Variants in DNMT1 observed in about 807,000 individuals in gnomAD.
DNMT1 encodes the protein DNA (cytosine-5)-methyltransferase 1.
DNMT1 carries 24 observed loss-of-function variants against 205.3 expected under a neutral mutation model. The observed-to-expected ratio is 0.12, with a 90% CI of 0.08 to 0.16. The LOEUF (loss-of-function observed/expected upper bound fraction) is 0.16, where lower values mean the gene tolerates loss of function less well. DNMT1 is among the 10% of genes least tolerant of loss of function. DNMT1 has a pLI of 1.00. For missense variants in DNMT1, 1,293 were observed against 2,177.7 expected (o/e 0.59, Z 8.09); for synonymous variants, 817 against 839.8 (o/e 0.97, Z 0.47).
At chr19:10,185,613 G>C (rs184419048) in intron 1 of DNMT1, among the ~76,000 whole-genome samples, 1 of 152,054 alleles carries the variant, frequency 6.6e-6, no homozygotes, top group East Asian at 1.9e-4. Context: ...GATCACTTGA[G>C]GTCAGGAGTT....
intron 22 of DNMT1, among the ~76,000 whole-genome samples, chr19:10,152,464 C>A (rs140599011): frequency 4.6e-5 from 7 of 151,662 alleles, no homozygotes; most frequent in Non-Finnish European, 1.5e-5. Flanking sequence ...CCCAACTCTA[C>A]AAAAAATTAA....
intron 5 of DNMT1, among the ~76,000 whole-genome samples, chr19:10,177,648 G>A (rs2038960703): frequency 6.6e-6 from 1 of 152,064 alleles, no homozygotes; most frequent in African/African-American, 2.4e-5. Context: ...AAGATGAAGT[G>A]GGCCAGGCAC....
At chr19:10,183,057 G>GTGTGTGTA (rs2039105335) in intron 1 of DNMT1, among the ~76,000 whole-genome samples, 4 of 131,324 alleles carry the variant, frequency 3.0e-5, no homozygotes, top group South Asian at 5.3e-4. Context: ...GTATACATAC[G>GTGTGTGTA]TATATATGTA....
At chr19:10,173,935 AT>A in intron 7 of DNMT1, 30 bp from the exon 8 acceptor site, 3 of 1,610,752 alleles carry the variant, frequency 1.9e-6, no homozygotes, top group Non-Finnish European at 2.5e-6. Flanking sequence ...AACAAAAAAG[AT>A]TAGAATACTG....
chr19:10,175,475 T>G, intron 7 of DNMT1, 65 bp downstream of exon 7: 1 of 1,587,520 alleles, frequency 6.3e-7, no homozygotes, highest in Non-Finnish European at 8.7e-7. Flanking sequence ...AGAACACATA[T>G]GAAGTCACAA....
intron 39 of DNMT1, among the ~76,000 whole-genome samples, chr19:10,134,814 T>C (rs900454271): frequency 1.4e-5 from 2 of 144,460 alleles, no homozygotes; most frequent in African/African-American, 5.2e-5. Flanking sequence ...GCAGAGATCA[T>C]GTCACTGCAC....
chr19:10,144,890 C>G (rs1369214159), intron 28 of DNMT1: 1 of 152,228 alleles, frequency 6.6e-6, no homozygotes, highest in East Asian at 1.9e-4. Context: ...AGGTGCCCAC[C>G]ACCACACCCA....
At position 10,138,346 on chromosome 19, in the gene DNMT1, T is replaced by TC. The variant is rs949809894; in HGVS notation, c.4115+92dup. On this transcript the variant is annotated intron_variant, in intron 35 of 40. Coordinates refer to ENST00000359526, the MANE Select transcript of DNMT1 (RefSeq NM_001130823.3). The surrounding 1 kb of genome is among the most constrained non-coding windows in gnomAD (Gnocchi z 4.1). ...GCAGGGCAGATGCTGTACCATCCTC[T>TC]CCTCCCCAAGCCTCACCAGGGAGTA... 2 of 1,589,722 alleles carry TC rather than the reference T, an allele frequency of 1.3e-6. No homozygotes were observed. The highest frequency in any genetic ancestry group is 1.7e-6 in the Non-Finnish European group (2 of 1,166,204).
At position 10,148,941 on chromosome 19, in the gene DNMT1, T is replaced by C; in HGVS notation, c.2663A>G (p.Asp888Gly). 6.2e-7 allele frequency: 1 copy of C among 1,614,156 alleles called. No homozygotes were observed. Among genetic ancestry groups the C allele is most frequent in the South Asian group, 1.1e-5 (1 of 91,072 alleles). ...TGGAGGGGACTCGAATCTCGCGTAGTCTTGATCATACCACAGCTGGTAGAA... is the reference window on the plus strand; with the variant it reads ...TGGAGGGGACTCGAATCTCGCGTAGCCTTGATCATACCACAGCTGGTAGAA... ...TYFYQLWYDQ[D>G]YARFESPPKT... is the part of the protein sequence containing the mutation. The change falls in exon 27 of 41, where the codon GAC becomes GGC. Residue 888 changes from aspartate to glycine, a missense_variant. This residue lies in a region of DNMT1 where 112 missense variants were observed against 116.6 expected (regional missense o/e 0.96). Transcript: ENST00000359526.
chr19:10,163,506 T>C (rs1372166814), intron 11 of DNMT1, 146 bp from the exon 12 acceptor site: 1 of 797,620 alleles, frequency 1.3e-6, no homozygotes. Context: ...CCTGGGCAGA[T>C]CTACCGGGTA....
At chr19:10,192,515 A>C (rs1034570680) in intron 1 of DNMT1, among the ~76,000 whole-genome samples, 2 of 151,746 alleles carry the variant, frequency 1.3e-5, no homozygotes, top group African/African-American at 4.8e-5. Context: ...TAATCCCAAC[A>C]CTTTGGGAAG....
Position 10,149,648 on chromosome 19 carries a change from C to A in DNMT1, c.2391G>T (p.Ala797=), listed in dbSNP as rs749216491. ...GCCCGTTGCTGCTGTCCTCCCACAG[C>A]GCCGTGACCCTGGAATCAGAAGACG... ...SKPLYLARVT[A]LWEDSSNGQM... The change falls in exon 26 of 41, where the codon GCG becomes GCT. Residue 797 remains alanine (A), a synonymous_variant. Transcript: ENST00000359526. 3.1e-6 allele frequency: 5 copies of A among 1,613,678 alleles called. No individual in the cohort carries two copies. Among genetic ancestry groups the A allele is most frequent in the Non-Finnish European group, 4.2e-6 (5 of 1,180,038 alleles).
rs1375000082 is a variant in DNMT1, at chr19:10,194,213, C to CCA, written c.80+605_80+606dup. On this transcript the variant is annotated intron_variant, in intron 1 of 40. Transcript: ENST00000359526. ...CATGGACTTTCCCAAGGAGCAAGAACCACACAGTCCCAACTGACAGAATGA... is the reference window on the plus strand; with the variant it reads ...CATGGACTTTCCCAAGGAGCAAGAACCACACACAGTCCCAACTGACAGAATGA... Among the ~76,000 whole-genome samples, 22 of 152,350 alleles carry CCA rather than the reference C, an allele frequency of 1.4e-4. No homozygotes were observed. The East Asian group carries it at 4.2e-3, about 29-fold the overall frequency.
intron 9 of DNMT1, among the ~76,000 whole-genome samples, chr19:10,170,388 C>G (rs1286510298): frequency 6.6e-6 from 1 of 152,048 alleles, no homozygotes; most frequent in Non-Finnish European, 1.5e-5. Flanking sequence ...CCTGTAATCC[C>G]AGCACTTTGG....
chr19:10,159,637 T>C lies in DNMT1; in HGVS notation c.1280+21A>G, dbSNP rs758907321. 3.7e-6 allele frequency: 6 copies of C among 1,613,238 alleles called. No homozygotes were observed. Among genetic ancestry groups the C allele is most frequent in the South Asian group, 2.2e-5 (2 of 91,054 alleles). On this transcript the variant is annotated intron_variant, in intron 17 of 40. Transcript: ENST00000359526. This position sits in a 1 kb window ranked among gnomAD's most constrained non-coding sequence, Gnocchi z 5.0. ...TGTGCCTCCTTCCACGAAGCAAACATGCACACGAAAGTGCACTTACCTGAA... is the reference window on the plus strand; with the variant it reads ...TGTGCCTCCTTCCACGAAGCAAACACGCACACGAAAGTGCACTTACCTGAA...
chr19:10,165,162 T>C (rs1339648106), intron 11 of DNMT1, among the ~76,000 whole-genome samples: 2 of 151,924 alleles, frequency 1.3e-5, no homozygotes, highest in Non-Finnish European at 1.5e-5. Flanking sequence ...TCCCAGCTAC[T>C]TGGGAGGCTG....
In DNMT1 at chr19:10,146,277, G is replaced by T; in HGVS notation, c.2894+74C>A. On this transcript the variant is annotated intron_variant, in intron 28 of 40. Coordinates refer to ENST00000359526, the MANE Select transcript of DNMT1 (RefSeq NM_001130823.3). This position sits in a 1 kb window ranked among gnomAD's most constrained non-coding sequence, Gnocchi z 4.4. ...CGGAGGGATTGGCAATGTCTGTAAG[G>T]AGGGGGACACCACAAAGCCAGCCTG... 2 of 1,572,110 alleles carry T rather than the reference G, an allele frequency of 1.3e-6. No homozygotes were observed. The highest frequency in any genetic ancestry group is 1.4e-5 in the African/African-American group (1 of 73,858).
At chr19:10,175,256 T>G (rs1465729266) in intron 7 of DNMT1, among the ~76,000 whole-genome samples, 1 of 151,882 alleles carries the variant, frequency 6.6e-6, no homozygotes, top group African/African-American at 2.4e-5. Flanking sequence ...TGAGCCAATT[T>G]CTCAAAATAA....
In DNMT1 at chr19:10,154,059, T is replaced by G. The variant is rs1017425571; in HGVS notation, c.2019+234A>C. Among the ~76,000 whole-genome samples, 9 of 152,120 alleles carry G rather than the reference T, an allele frequency of 5.9e-5. No individual in the cohort carries two copies. Among genetic ancestry groups the G allele is most frequent in the African/African-American group, 1.7e-4 (7 of 41,416 alleles). On this transcript the variant is annotated intron_variant, in intron 22 of 40. Coordinates refer to ENST00000359526, the MANE Select transcript of DNMT1 (RefSeq NM_001130823.3). This position sits in a 1 kb window ranked among gnomAD's most constrained non-coding sequence, Gnocchi z 6.3. Reference sequence around the variant, plus strand: ...CCACCCAGAAGCCAGGCTCTTCAATTAAGGACAGTGGCATTATCAGCAAAG... The same window carrying G: ...CCACCCAGAAGCCAGGCTCTTCAATGAAGGACAGTGGCATTATCAGCAAAG...
Sources: allele counts gnomAD v4.1 joint callset (sites outside exome capture counted in the v4.1 genomes callset), GRCh38; gene constraint gnomAD v4.1.1; regional missense constraint gnomAD v4.1.1; non-coding constraint Gnocchi (gnomAD v3.1); transcripts MANE v1.5; gene names NCBI Gene and HGNC (gene_info 2026-07-23, HGNC 2026-07-21).